Variants in MAGI2 observed in about 807,000 individuals in gnomAD.
MAGI2 encodes membrane associated guanylate kinase, WW and PDZ domain containing 2.
In MAGI2, 35 loss-of-function variants were observed where a neutral mutation model predicts 133.3. The observed-to-expected ratio is 0.26, with a 90% confidence interval of 0.20 to 0.35. The LOEUF (loss-of-function observed/expected upper bound fraction) is 0.35, where lower values mean the gene tolerates loss of function less well. MAGI2 is among the 10% of genes least tolerant of loss of function. The probability of loss-of-function intolerance (pLI) is 1.00; values close to 1 mark genes in which losing one functional copy is unlikely to be tolerated. For synonymous variants in MAGI2, 729 were observed against 710.6 expected (o/e 1.03, Z -0.41); for missense variants, 1,636 against 1,863.4 (o/e 0.88, Z 2.25).
chr7:78,927,179 G>T (rs1408394886), intron 2 of MAGI2, among the ~76,000 whole-genome samples: 1 of 151,994 alleles, frequency 6.6e-6, no homozygotes, highest in Non-Finnish European at 1.5e-5. Flanking sequence ...AGAGTCTGGT[G>T]TCTGTCTCCC....
chr7:79,020,234 T>C (rs887334256), intron 1 of MAGI2, among the ~76,000 whole-genome samples: 3 of 152,190 alleles, frequency 2.0e-5, no homozygotes, highest in African/African-American at 7.2e-5. Flanking sequence ...TTGAGAGAGA[T>C]GATTTAGGGT....
intron 1 of MAGI2, among the ~76,000 whole-genome samples, chr7:79,364,106 C>T (rs954838316): frequency 2.6e-5 from 4 of 151,750 alleles, no homozygotes; most frequent in Admixed American, 2.6e-4. Context: ...GGTGAGGACA[C>T]AAAGAAAAGG....
intron 13 of MAGI2, among the ~76,000 whole-genome samples, chr7:78,178,387 T>A (rs1826866018): frequency 1.3e-5 from 2 of 152,216 alleles, no homozygotes; most frequent in South Asian, 4.1e-4. Flanking sequence ...GATGCCTTTA[T>A]AATTCTTGAT....
At chr7:79,251,387 T>A (rs542336800) in intron 1 of MAGI2, among the ~76,000 whole-genome samples, 1 of 151,932 alleles carries the variant, frequency 6.6e-6, no homozygotes, top group South Asian at 2.1e-4. Flanking sequence ...AACAACTCTA[T>A]AGAAAAAAAC....
chr7:78,662,993 T>C (rs552195776), intron 2 of MAGI2, among the ~76,000 whole-genome samples: 22 of 152,222 alleles, frequency 1.4e-4, no homozygotes, highest in Admixed American at 4.6e-4. Flanking sequence ...ACAGATAATA[T>C]ATAGTAGACA....
At chr7:78,662,105 C>G (rs894305043) in intron 2 of MAGI2, among the ~76,000 whole-genome samples, 2 of 152,154 alleles carry the variant, frequency 1.3e-5, no homozygotes, top group African/African-American at 4.8e-5. Flanking sequence ...AACTTACCAA[C>G]TTAAAGGGCC....
rs766410182 is a variant in MAGI2, at chr7:78,326,700, C to T, written c.1408+17078G>A. Among the ~76,000 whole-genome samples the T allele has an allele frequency of 5.3e-5, 8 of 152,252 alleles. No homozygotes were observed. The South Asian group carries it at 6.2e-4, about 12-fold the overall frequency. On this transcript the variant is annotated intron_variant, in intron 9 of 21. Coordinates refer to ENST00000354212, the MANE Select transcript of MAGI2 (RefSeq NM_012301.4). ...TTTTTTACCAATTACTACTTTCATTCCTTTTCCCCATTCCTTAATGATATC... is the reference window on the plus strand; with the variant it reads ...TTTTTTACCAATTACTACTTTCATTTCTTTTCCCCATTCCTTAATGATATC...
chr7:79,174,704 A>T (rs1416357068), intron 1 of MAGI2, among the ~76,000 whole-genome samples: 7 of 151,334 alleles, frequency 4.6e-5, no homozygotes, highest in African/African-American at 1.7e-4. Flanking sequence ...TTTTAAAAAA[A>T]GAAATAAATT....
intron 1 of MAGI2, among the ~76,000 whole-genome samples, chr7:79,294,131 T>C (rs1025856395): frequency 2.0e-5 from 3 of 148,856 alleles, no homozygotes; most frequent in Non-Finnish European, 4.4e-5. Flanking sequence ...TGAGCCAAGA[T>C]TGCACCATTG....
At chr7:78,046,392 A>G (rs1421865541) in intron 21 of MAGI2, among the ~76,000 whole-genome samples, 1 of 145,142 alleles carries the variant, frequency 6.9e-6, no homozygotes, top group Admixed American at 7.0e-5. Flanking sequence ...ACAGAGCGAG[A>G]CTCTGTCTCA....
intron 2 of MAGI2, among the ~76,000 whole-genome samples, chr7:78,768,823 T>C (rs1212501245): frequency 6.6e-6 from 1 of 152,216 alleles, no homozygotes; most frequent in Non-Finnish European, 1.5e-5. Flanking sequence ...CTCCCCTCTC[T>C]AGTGGATAGT....
At chr7:79,127,915 G>A (rs1446605809) in intron 1 of MAGI2, among the ~76,000 whole-genome samples, 1 of 152,132 alleles carries the variant, frequency 6.6e-6, no homozygotes, top group Non-Finnish European at 1.5e-5. Flanking sequence ...TTTTCTTCTA[G>A]GGTTTTCATG....
chr7:78,533,514 A>G (rs1255718885), intron 3 of MAGI2, among the ~76,000 whole-genome samples: 2 of 152,186 alleles, frequency 1.3e-5, no homozygotes, highest in Non-Finnish European at 2.9e-5. Context: ...GCCCAAAGCC[A>G]CACACACATA....
chr7:79,245,570 G>C (rs909313456), intron 1 of MAGI2, among the ~76,000 whole-genome samples: 4 of 152,184 alleles, frequency 2.6e-5, no homozygotes, highest in Admixed American at 2.6e-4. Context: ...GGTAATAATG[G>C]GAAGGACTTT....
chr7:78,120,979 C>G (rs1247021383), intron 20 of MAGI2, among the ~76,000 whole-genome samples: 1 of 109,148 alleles, frequency 9.2e-6, no homozygotes, highest in African/African-American at 3.7e-5. Context: ...CCAGCCTGGG[C>G]GACAGAGCGA....
intron 2 of MAGI2, among the ~76,000 whole-genome samples, chr7:78,965,282 G>T (rs531462673): frequency 6.6e-6 from 1 of 151,716 alleles, no homozygotes; most frequent in East Asian, 1.9e-4. Context: ...ATAGGGATAT[G>T]CATGTCACAA....
At chr7:79,305,848 G>A (rs1837744318) in intron 1 of MAGI2, among the ~76,000 whole-genome samples, 1 of 152,060 alleles carries the variant, frequency 6.6e-6, no homozygotes, top group Non-Finnish European at 1.5e-5. Flanking sequence ...ATGAGCCCAG[G>A]AGTTTGAAGC....
chr7:78,673,716 G>A (rs554328755), intron 2 of MAGI2, among the ~76,000 whole-genome samples: 40 of 152,068 alleles, frequency 2.6e-4, no homozygotes, highest in African/African-American at 7.0e-4. Flanking sequence ...GGGGGCAGGC[G>A]GTGTTTATGG....
intron 3 of MAGI2, among the ~76,000 whole-genome samples, chr7:78,542,442 A>C (rs1798490675): frequency 6.6e-6 from 1 of 152,218 alleles, no homozygotes; most frequent in Admixed American, 6.5e-5. Flanking sequence ...AAAAGACATC[A>C]AAATTAATCA....
Sources: allele counts gnomAD v4.1 joint callset (sites outside exome capture counted in the v4.1 genomes callset), GRCh38; gene constraint gnomAD v4.1.1; transcripts MANE v1.5; gene names NCBI Gene and HGNC (gene_info 2026-07-23, HGNC 2026-07-21).